The following CUX1 variants were observed in gnomAD, a reference collection of about 807,000 sequenced individuals.
CUX1 encodes protein CASP.
A neutral mutation model predicts 158.8 loss-of-function variants in CUX1; 31 were observed. The ratio of observed to expected loss-of-function variants is 0.20; its 90% CI spans 0.15 to 0.26. The LOEUF is 0.26. CUX1 is among the 10% of genes least tolerant of loss of function. The pLI, the probability that CUX1 is intolerant of heterozygous loss-of-function variation, is 1.00. For synonymous variants in CUX1, 879 were observed against 862.1 expected, an observed-to-expected ratio of 1.02 and a Z score of -0.34; for missense variants, 1,589 against 2,014.6, an observed-to-expected ratio of 0.79 and a Z score of 4.04.
intron 23 of CUX1, among the ~76,000 whole-genome samples, chr7:102,245,415 C>T (rs1800702550): frequency 6.6e-6 from 1 of 152,048 alleles, no homozygotes; most frequent in Non-Finnish European, 1.5e-5. Context: ...TGCTGCTGGC[C>T]CCATTTTACA....
chr7:102,106,174 G>A (rs528192792), intron 6 of CUX1, among the ~76,000 whole-genome samples: 4 of 127,144 alleles, frequency 3.1e-5, no homozygotes, highest in East Asian at 2.7e-4. Context: ...TGCAACCTCC[G>A]CCTCCCAGGT....
chr7:101,816,932 G>A, upstream of CUX1: 1 of 982,382 alleles, frequency 1.0e-6, no homozygotes, highest in Non-Finnish European at 1.2e-6. Context: ...CCCCGGGTTT[G>A]TTTACGTCCC....
At chr7:101,907,909 C>T (rs1802942544) in intron 1 of CUX1, among the ~76,000 whole-genome samples, 1 of 151,890 alleles carries the variant, frequency 6.6e-6, no homozygotes, top group Non-Finnish European at 1.5e-5. Flanking sequence ...CGCCTGAGCC[C>T]AGGAATTCGA....
chr7:102,142,146 C>A (rs1834535284), intron 8 of CUX1, among the ~76,000 whole-genome samples: 1 of 152,148 alleles, frequency 6.6e-6, no homozygotes, highest in Non-Finnish European at 1.5e-5. Context: ...CTGCACTGCT[C>A]CCCTGTGGTG....
intron 1 of CUX1, among the ~76,000 whole-genome samples, chr7:101,904,558 C>G (rs1802539153): frequency 6.7e-6 from 1 of 148,880 alleles, no homozygotes; most frequent in African/African-American, 2.5e-5. Context: ...TGTATAATAA[C>G]ATTTTGAGAA....
intron 1 of CUX1, among the ~76,000 whole-genome samples, chr7:101,849,462 A>G (rs564390219): frequency 2.8e-4 from 42 of 152,176 alleles, no homozygotes; most frequent in African/African-American, 9.4e-4. Flanking sequence ...TAGTTTGCAA[A>G]GGATAATGGC....
chr7:102,185,513 A>G (rs1554515010), intron 11 of CUX1, among the ~76,000 whole-genome samples: 1 of 151,834 alleles, frequency 6.6e-6, no homozygotes, highest in African/African-American at 2.4e-5. Context: ...TCCACCTCCC[A>G]GACTCAAGTG....
intron 11 of CUX1, among the ~76,000 whole-genome samples, chr7:102,180,807 G>A (rs990394457): frequency 6.6e-6 from 1 of 151,740 alleles, no homozygotes; most frequent in South Asian, 2.1e-4. Context: ...GCCCAGCGCC[G>A]GGTCCCTTGG....
At chr7:101,956,376 A>T (rs1229224384) in intron 2 of CUX1, among the ~76,000 whole-genome samples, 2 of 152,198 alleles carry the variant, frequency 1.3e-5, no homozygotes, top group African/African-American at 2.4e-5. Context: ...TCACCAGCTA[A>T]CTTATTAGCA....
At chr7:102,021,374 T>G (rs1197740772) in intron 2 of CUX1, among the ~76,000 whole-genome samples, 1 of 152,096 alleles carries the variant, frequency 6.6e-6, no homozygotes, top group East Asian at 1.9e-4. Flanking sequence ...AGTGGCACAG[T>G]CATAGCTCAC....
At chr7:101,895,936 G>A (rs1048083304) in intron 1 of CUX1, among the ~76,000 whole-genome samples, 1 of 132,968 alleles carries the variant, frequency 7.5e-6, no homozygotes, top group African/African-American at 3.0e-5. Context: ...TGGAGACAGG[G>A]TCTTACTCTG....
chr7:101,843,881 G>A (rs1282467276), intron 1 of CUX1, among the ~76,000 whole-genome samples: 4 of 152,200 alleles, frequency 2.6e-5, no homozygotes, highest in African/African-American at 9.6e-5. Flanking sequence ...TTTTGAAAGA[G>A]CCAATCCTTC....
At chr7:101,974,982 T>C (rs1321866024) in intron 2 of CUX1, among the ~76,000 whole-genome samples, 1 of 152,162 alleles carries the variant, frequency 6.6e-6, no homozygotes, top group African/African-American at 2.4e-5. Context: ...GTGTGGTGGC[T>C]CATACCTCTA....
At chr7:102,174,428 C>T (rs1554511228) in intron 10 of CUX1, among the ~76,000 whole-genome samples, 2 of 152,126 alleles carry the variant, frequency 1.3e-5, no homozygotes, top group Non-Finnish European at 2.9e-5. Context: ...CTCCCTAAAG[C>T]TTTGAAGGCC....
At chr7:102,207,219 G>A (rs552251489) in intron 20 of CUX1, among the ~76,000 whole-genome samples, 17 of 152,276 alleles carry the variant, frequency 1.1e-4, no homozygotes, top group South Asian at 8.3e-4. Flanking sequence ...AGAAAAAGGC[G>A]ATGAGCCCCT....
intron 1 of CUX1, among the ~76,000 whole-genome samples, chr7:101,901,562 G>A (rs13241252): frequency 2.6e-5 from 4 of 152,086 alleles, no homozygotes; most frequent in African/African-American, 9.6e-5. Context: ...CCCAAAGTGC[G>A]GGGGTTACAG....
chr7:102,158,466 C>G (rs1249743533), intron 8 of CUX1, 94 bp from the exon 9 acceptor site: 1 of 1,302,676 alleles, frequency 7.7e-7, no homozygotes, highest in Non-Finnish European at 1.1e-6. Context: ...CTGCACAGCC[C>G]TTCCCGAGCC....
chr7:101,868,045 C>G (rs1798109446), intron 1 of CUX1, among the ~76,000 whole-genome samples: 1 of 152,120 alleles, frequency 6.6e-6, no homozygotes, highest in South Asian at 2.1e-4. Context: ...TGAGGTCTCG[C>G]TATGTTACCC....
At chr7:101,853,987 C>G (rs570285628) in intron 1 of CUX1, among the ~76,000 whole-genome samples, 176 of 152,338 alleles carry the variant, frequency 1.2e-3, no homozygotes, top group African/African-American at 3.5e-3. Flanking sequence ...AGGCGGCCTG[C>G]TCCATCTTGA....
Sources: allele counts gnomAD v4.1 joint callset (sites outside exome capture counted in the v4.1 genomes callset), GRCh38; gene constraint gnomAD v4.1.1; transcripts MANE v1.5; gene names NCBI Gene and HGNC (gene_info 2026-07-23, HGNC 2026-07-21).